ZNF695: variants seen among roughly 807,000 people sequenced by gnomAD.
ZNF695 encodes zinc finger protein 695, also known as zinc finger protein SBZF3.
ZNF695 carries 11 observed loss-of-function variants against 11.2 expected under a neutral mutation model. The ratio of observed to expected loss-of-function variants is 0.98; its 90% CI spans 0.62 to 1.62. The LOEUF is 1.62. Among genes scored for constraint, ZNF695 ranks in the 40% most tolerant of loss-of-function variants. The probability of loss-of-function intolerance (pLI) is 0.00; values close to 1 mark genes in which losing one functional copy is unlikely to be tolerated. For synonymous variants in ZNF695, 190 were observed against 201.4 expected, an observed-to-expected ratio of 0.94 and a Z score of 0.48; for missense variants, 559 against 590.5, an observed-to-expected ratio of 0.95 and a Z score of 0.55.
chr1:246,975,332 T>C (rs893017323), intron 4 of ZNF695, among the ~76,000 whole-genome samples: 2 of 152,212 alleles, frequency 1.3e-5, no homozygotes, highest in Non-Finnish European at 2.9e-5. Context: ...CCAATATTTA[T>C]TGTGAATTTA....
In ZNF695 at chr1:246,999,352, GTGTC is replaced by G; in HGVS notation, c.251_254del (p.Arg84ThrfsTer25). ...GCTTCATTCACTCCCACCTACCTGA[GTGTC>G]TGGCTGTCTTCTCTGTGTTCACGTT... is the stretch of plus-strand genomic sequence containing the variant. On this transcript the variant is annotated frameshift_variant, in exon 3 of 4. Transcript: ENST00000339986. LOFTEE classifies it low-confidence loss of function (END_TRUNC). 6.2e-7 allele frequency: 1 copy of G among 1,612,436 alleles called. No homozygotes were observed. Among genetic ancestry groups the G allele is most frequent in the African/African-American group, 1.3e-5 (1 of 74,986 alleles).
Position 246,987,347 on chromosome 1 carries a change from T to G in ZNF695, c.1168A>C (p.Thr390Pro), listed in dbSNP as rs1668882289. The G allele has an allele frequency of 6.2e-7, 1 of 1,613,714 alleles. No individual in the cohort carries two copies. Among genetic ancestry groups the G allele is most frequent in the African/African-American group, 1.3e-5 (1 of 74,900 alleles). ...YKCEECGKAF[T>P]WFSYLIQHKR... ...TGCTGAATAAGGTATGAGAACCAGG[T>G]AAAAGCTTTGCCACATTCCTCACAT... Residue 390 changes from threonine to proline, a missense_variant, in exon 4 of 4, where the codon ACC (threonine) becomes CCC (proline). Physicochemically the swap from Thr to Pro is conservative, Grantham distance 38. Coordinates refer to ENST00000339986, the MANE Select transcript of ZNF695 (RefSeq NM_020394.5).
At position 246,953,375 on chromosome 1, in the gene ZNF695, G is replaced by A. The variant is rs546725844; in HGVS notation, c.489-7548C>T. On this transcript the variant is annotated intron_variant, in intron 5 of 5. Transcript: ENST00000487338. ...TGTAATCCCAGCACTTTAGGAGGCC[G>A]AGGCGGGCGGATCACGAGGTTAGGC... Among the ~76,000 whole-genome samples the A allele has an allele frequency of 5.3e-5, 8 of 151,120 alleles. No individual in the cohort carries two copies. In the East Asian group the frequency reaches 9.9e-4, roughly 19 times the overall value.
chr1:246,949,830 A>G (rs1160932987), intron 5 of ZNF695, among the ~76,000 whole-genome samples: 4 of 152,200 alleles, frequency 2.6e-5, no homozygotes, highest in South Asian at 2.1e-4. Context: ...TTTCTTTTAT[A>G]TAGTATAACC....
At chr1:246,947,177 T>C (rs1572499657) in intron 5 of ZNF695, among the ~76,000 whole-genome samples, 1 of 128,580 alleles carries the variant, frequency 7.8e-6, no homozygotes. Context: ...AATGGGGTGA[T>C]AGGGTTTTTT....
intron 3 of ZNF695, among the ~76,000 whole-genome samples, chr1:246,995,461 C>G (rs181614216): frequency 1.5e-3 from 223 of 152,252 alleles, no homozygotes; most frequent in Non-Finnish European, 2.4e-3. Context: ...TTACACAGTG[C>G]GTGAAGGAAC....
At chr1:246,993,224 C>T (rs1413674927) in intron 3 of ZNF695, among the ~76,000 whole-genome samples, 3 of 151,980 alleles carry the variant, frequency 2.0e-5, no homozygotes, top group Non-Finnish European at 2.9e-5. Flanking sequence ...CTGGCCAACA[C>T]GGTGAAACCA....
At chr1:246,967,731 G>A in exon 5 of ZNF695, 1 of 397,472 alleles carries the variant, frequency 2.5e-6, no homozygotes, top group South Asian at 1.9e-5. Context: ...CTTCTGGGGA[G>A]GCCTCAGGAA....
chr1:246,950,577 G>T (rs1300159248), intron 5 of ZNF695, among the ~76,000 whole-genome samples: 1 of 149,782 alleles, frequency 6.7e-6, no homozygotes, highest in African/African-American at 2.5e-5. Context: ...CTTGAACCCG[G>T]GAGGCAGAGG....
chr1:246,945,616 C>T, downstream of ZNF695: 2 of 611,402 alleles, frequency 3.3e-6, no homozygotes, highest in Non-Finnish European at 5.7e-6. Context: ...AAAGAGATAT[C>T]TCAATAAAAA....
chr1:246,972,260 T>A (rs1668446373), intron 4 of ZNF695, among the ~76,000 whole-genome samples: 1 of 152,168 alleles, frequency 6.6e-6, no homozygotes, highest in Admixed American at 6.5e-5. Flanking sequence ...AGAGTTCCTG[T>A]CCCAGGCACT....
At chr1:246,980,919 T>C (rs561275277), downstream of ZNF695, among the ~76,000 whole-genome samples, 2 of 152,206 alleles carry the variant, frequency 1.3e-5, no homozygotes, top group South Asian at 2.1e-4. Flanking sequence ...GAAACTTCTT[T>C]CAACTAAAAA....
At chr1:246,953,409 C>A (rs1667914245) in intron 5 of ZNF695, among the ~76,000 whole-genome samples, 1 of 151,520 alleles carries the variant, frequency 6.6e-6, no homozygotes, top group African/African-American at 2.4e-5. Flanking sequence ...GCGACCTAGA[C>A]CATCCTGGCT....
chr1:246,999,042 G>A (rs992127321), intron 3 of ZNF695, among the ~76,000 whole-genome samples: 5 of 147,340 alleles, frequency 3.4e-5, no homozygotes, highest in African/African-American at 7.6e-5. Flanking sequence ...TCAAAAATAC[G>A]CAGACAGTCC....
At position 246,986,785 on chromosome 1, in the gene ZNF695, C is replaced by A; in HGVS notation, c.*182G>T. On this transcript the variant is annotated 3_prime_UTR_variant, in exon 4 of 4. Transcript: ENST00000339986. ...CTGTGATATAAGTGGAGGTGTTGAACCGGTCTATTTGTATTGTTCGTAGCC... is the reference window on the plus strand; with the variant it reads ...CTGTGATATAAGTGGAGGTGTTGAAACGGTCTATTTGTATTGTTCGTAGCC... 2 of 1,351,778 alleles carry A rather than the reference C, an allele frequency of 1.5e-6. No individual in the cohort carries two copies. The highest frequency in any genetic ancestry group is 1.9e-6 in the Non-Finnish European group (2 of 1,058,130). The allele number at this position is 1,351,778 out of a possible 1,614,324, so 83.7% of individuals were successfully genotyped here.
intron 5 of ZNF695, among the ~76,000 whole-genome samples, chr1:246,964,248 G>A (rs1355796254): frequency 4.6e-5 from 7 of 152,026 alleles, no homozygotes; most frequent in East Asian, 1.9e-4. Context: ...TCAGGTTTCC[G>A]CCCCTCTCCC....
At chr1:247,003,160 T>C (rs1308247821) in intron 1 of ZNF695, among the ~76,000 whole-genome samples, 12 of 152,200 alleles carry the variant, frequency 7.9e-5, no homozygotes, top group Admixed American at 7.2e-4. Context: ...GACACATGCA[T>C]GTGTATGTTC....
intron 4 of ZNF695, among the ~76,000 whole-genome samples, chr1:246,977,841 T>A (rs1668608591): frequency 1.3e-5 from 2 of 152,240 alleles, no homozygotes; most frequent in Non-Finnish European, 1.5e-5. Flanking sequence ...TTCCATTTCC[T>A]GTCTCTGAAA....
chr1:246,960,929 C>T (rs1668147829), intron 5 of ZNF695, among the ~76,000 whole-genome samples: 1 of 151,980 alleles, frequency 6.6e-6, no homozygotes, highest in Admixed American at 6.6e-5. Context: ...AAACAAAAAA[C>T]AAAAAACAAC....
Sources: gnomAD v4.1 joint callset for allele counts (sites outside exome capture counted in the v4.1 genomes callset) on GRCh38, gnomAD v4.1.1 for gene constraint, MANE v1.5 for transcripts, NCBI Gene and HGNC (gene_info 2026-07-23, HGNC 2026-07-21) for gene names.